Variants in KCNAB1 observed in about 807,000 individuals in gnomAD.
KCNAB1 encodes potassium voltage-gated channel subfamily A regulatory beta subunit 1, also known as voltage-gated potassium channel subunit beta-1.
Under a neutral mutation model 64.6 loss-of-function variants are expected in KCNAB1, and 35 were observed. That is an observed-to-expected ratio of 0.54 (90% confidence interval 0.41 to 0.72). The LOEUF is 0.72. KCNAB1 is among the 30% of genes least tolerant of loss of function. KCNAB1 has a pLI of 0.00. For synonymous variants in KCNAB1, 177 were observed against 183.8 expected (o/e 0.96, Z 0.30); for missense variants, 401 against 512.9 (o/e 0.78, Z 2.11).
At chr3:156,534,984 TCC>T (rs1718955812) in intron 13 of KCNAB1, among the ~76,000 whole-genome samples, 1 of 148,778 alleles carries the variant, frequency 6.7e-6, no homozygotes, top group African/African-American at 2.6e-5. Context: ...AGGATTCTTC[TCC>T]TCACGTGGCT....
intron 1 of KCNAB1, among the ~76,000 whole-genome samples, chr3:156,408,046 G>GGGGAGGGGGTGCAGTGGC: frequency 1.3e-5 from 2 of 152,134 alleles, no homozygotes; most frequent in Non-Finnish European, 2.9e-5. Context: ...GAAGGTGACG[G>GGGGAGGGGGTGCAGTGGC]GGGAGGGGGT....
intron 1 of KCNAB1, among the ~76,000 whole-genome samples, chr3:156,386,230 TG>T (rs1435606528): frequency 1.3e-5 from 2 of 152,166 alleles, no homozygotes; most frequent in African/African-American, 4.8e-5. Context: ...ACAAGTGTGG[TG>T]TTTAACCGTG....
At chr3:156,343,295 T>G (rs1474966755) in intron 1 of KCNAB1, among the ~76,000 whole-genome samples, 4 of 152,222 alleles carry the variant, frequency 2.6e-5, no homozygotes, top group Non-Finnish European at 5.9e-5. Context: ...CTGGATTCTG[T>G]ATTCCTAATC....
At chr3:156,456,704 A>G (rs1712455104) in intron 3 of KCNAB1, among the ~76,000 whole-genome samples, 1 of 152,362 alleles carries the variant, frequency 6.6e-6, no homozygotes, top group South Asian at 2.1e-4. Context: ...TAGTAAGTCA[A>G]TCGGCAAAAT....
chr3:156,383,850 G>A (rs1712365631), intron 1 of KCNAB1, among the ~76,000 whole-genome samples: 1 of 152,190 alleles, frequency 6.6e-6, no homozygotes, highest in Non-Finnish European at 1.5e-5. Context: ...TCGCCCCTGA[G>A]CTGGTTTTGA....
chr3:156,354,179 C>A (rs973025761), intron 1 of KCNAB1, among the ~76,000 whole-genome samples: 1 of 139,910 alleles, frequency 7.1e-6, no homozygotes, highest in African/African-American at 2.6e-5. Context: ...TTTTTTTGGA[C>A]GGAGATTTCT....
intron 1 of KCNAB1, chr3:156,291,425 A>AG (rs1720408079): frequency 3.0e-5 from 30 of 1,008,088 alleles, no homozygotes; most frequent in Non-Finnish European, 3.6e-5. Context: ...CCTGTGGTCC[A>AG]GGGGATGCTG....
chr3:156,303,080 T>G (rs1166599494), intron 1 of KCNAB1, among the ~76,000 whole-genome samples: 1 of 152,188 alleles, frequency 6.6e-6, no homozygotes, highest in Non-Finnish European at 1.5e-5. Context: ...AGGAGTTTAT[T>G]ATGACACACA....
chr3:156,462,183 G>A (rs1447571199), intron 5 of KCNAB1, among the ~76,000 whole-genome samples: 1 of 152,208 alleles, frequency 6.6e-6, no homozygotes, highest in East Asian at 1.9e-4. Context: ...GCCTCTGTGG[G>A]AGTCAGTGAC....
At chr3:156,312,477 C>A (rs893073324) in intron 1 of KCNAB1, among the ~76,000 whole-genome samples, 1 of 151,934 alleles carries the variant, frequency 6.6e-6, no homozygotes, top group African/African-American at 2.4e-5. Context: ...TTCGGGAGGC[C>A]GAGGCGGGTG....
At chr3:156,413,035 AC>A (rs1714787080) in intron 1 of KCNAB1, among the ~76,000 whole-genome samples, 1 of 152,236 alleles carries the variant, frequency 6.6e-6, no homozygotes, top group African/African-American at 2.4e-5. Context: ...TCAAGCCTGA[AC>A]ATAAGAGTAG....
Position 156,523,913 on chromosome 3 carries a change from G to C in KCNAB1, c.1047G>C (p.Glu349Asp). ...NKLKDLSPIA[E>D]RLGCTLPQLA... The stretch of plus-strand genomic sequence containing the variant: ...TAAAAGACCTTTCCCCAATTGCGGA[G>C]CGTCTGGGATGCACACTACCTCAGC... Residue 349 changes from glutamate to aspartate, a missense_variant, in exon 12 of 14, where the codon GAG becomes GAC. Glu to Asp is a conservative substitution (Grantham distance 45, BLOSUM62 2). Transcript: ENST00000490337. 1.2e-6 allele frequency: 2 copies of C among 1,614,146 alleles called. No individual in the cohort carries two copies. Among genetic ancestry groups the C allele is most frequent in the Non-Finnish European group, 1.7e-6 (2 of 1,180,010 alleles).
chr3:156,511,717 T>G (rs1020622367), intron 8 of KCNAB1, among the ~76,000 whole-genome samples: 1 of 152,206 alleles, frequency 6.6e-6, no homozygotes, highest in African/African-American at 2.4e-5. Context: ...CTCTTTCTAC[T>G]TCCTCCAGTC....
Position 156,467,140 on chromosome 3 carries a change from G to C in KCNAB1, c.571+1454G>C, listed in dbSNP as rs181183846. ...ACACAAAGCCTATTTTATAATAAAG[G>C]CTATTTTATAATAAATTAAATGTCA... is the stretch of plus-strand genomic sequence containing the variant. On this transcript the variant is annotated intron_variant, in intron 7 of 13. Transcript: ENST00000490337. 2.0e-3 allele frequency among the ~76,000 whole-genome samples: 299 copies of C among 152,052 alleles called. 2 individuals are homozygous for C. Among genetic ancestry groups the C allele is most frequent in the Non-Finnish European group, 8.2e-4 (56 of 67,922 alleles).
Position 156,531,354 on chromosome 3 carries a change from C to T in KCNAB1, c.1082-55C>T, listed in dbSNP as rs1009794111. ...AACAGCTGTAGCAGGTGTTTATAAGCTAATCAACGATTGGAAGTGCTTTGA... is the reference window on the plus strand; with the variant it reads ...AACAGCTGTAGCAGGTGTTTATAAGTTAATCAACGATTGGAAGTGCTTTGA... On this transcript the variant is annotated intron_variant, in intron 12 of 13. Transcript: ENST00000490337. 11 of 1,282,592 alleles carry T rather than the reference C, an allele frequency of 8.6e-6. No individual in the cohort carries two copies. In the African/African-American group the frequency reaches 1.6e-4, roughly 19 times the overall value. The allele number at this position is 1,282,592 out of a possible 1,614,324, so 79.5% of individuals were successfully genotyped here.
intron 1 of KCNAB1, among the ~76,000 whole-genome samples, chr3:156,205,142 G>C (rs1714577568): frequency 6.6e-6 from 1 of 151,972 alleles, no homozygotes; most frequent in Non-Finnish European, 1.5e-5. Context: ...GGGATTCTTA[G>C]AAAGAACATT....
chr3:156,158,180 AAAT>A (rs1560112367), intron 1 of KCNAB1, among the ~76,000 whole-genome samples: 3,428 of 60,970 alleles, frequency 0.056, 158 homozygotes, highest in East Asian at 0.12. Flanking sequence ...AAAAAATAAA[AAAT>A]AAATAAATAA....
chr3:156,130,955 T>G (rs1265374151), intron 1 of KCNAB1, among the ~76,000 whole-genome samples: 1 of 152,240 alleles, frequency 6.6e-6, no homozygotes, highest in Non-Finnish European at 1.5e-5. Flanking sequence ...TCGAAAGAGC[T>G]GTGTAAGTGC....
intron 1 of KCNAB1, among the ~76,000 whole-genome samples, chr3:156,141,060 C>CT (rs111752364): frequency 3.8e-4 from 54 of 143,400 alleles, no homozygotes; most frequent in South Asian, 6.7e-4. Context: ...AGTTTCTTTG[C>CT]TTTTTTTTTT....
Sources: gnomAD v4.1 joint callset for allele counts (sites outside exome capture counted in the v4.1 genomes callset) on GRCh38, gnomAD v4.1.1 for gene constraint, MANE v1.5 for transcripts, NCBI Gene and HGNC (gene_info 2026-07-23, HGNC 2026-07-21) for gene names.